DOK4: variants seen among roughly 807,000 people sequenced by gnomAD.
DOK4 encodes downstream of tyrosine kinase 4.
Under a neutral mutation model 40.1 loss-of-function variants are expected in DOK4, and 26 were observed. The ratio of observed to expected loss-of-function variants is 0.65; its 90% CI spans 0.48 to 0.90. The LOEUF (loss-of-function observed/expected upper bound fraction) is 0.90, where lower values mean the gene tolerates loss of function less well. DOK4 is among the 40% of genes least tolerant of loss of function. The probability of loss-of-function intolerance (pLI) is 0.00; values close to 1 mark genes in which losing one functional copy is unlikely to be tolerated. For synonymous variants in DOK4, 179 were observed against 177.0 expected (o/e 1.01, Z -0.09); for missense variants, 392 against 437.2 (o/e 0.90, Z 0.92).
At chr16:57,483,872 T>G (rs1326193192) in intron 1 of DOK4, 1 of 152,268 alleles carries the variant, frequency 6.6e-6, no homozygotes, top group African/African-American at 2.4e-5. Context: ...CTCTCAGGGT[T>G]CCAGTGAGGG....
In DOK4 at chr16:57,485,223, A is replaced by G. The variant is rs566265793; in HGVS notation, c.-182+1082T>C. 6.6e-6 allele frequency among the ~76,000 whole-genome samples: 1 copy of G among 152,234 alleles called. No homozygotes were observed. Among genetic ancestry groups the G allele is most frequent in the Non-Finnish European group, 1.5e-5 (1 of 68,032 alleles). On this transcript the variant is annotated intron_variant, in intron 1 of 8. Transcript: ENST00000340099. The surrounding 1 kb of genome is among the most constrained non-coding windows in gnomAD (Gnocchi z 4.3). ...GTTTGGTTCAGAGCTGCCTCAGGGA[A>G]GAGCATGCTGCTGACATCGAGGCCA...
intron 1 of DOK4, among the ~76,000 whole-genome samples, chr16:57,483,020 C>G (rs75652601): frequency 6.6e-6 from 1 of 152,150 alleles, no homozygotes; most frequent in Non-Finnish European, 1.5e-5. Flanking sequence ...GTGACCTTCA[C>G]GGGGAAGGCT....
At chr16:57,475,711 TCCCC>T in intron 3 of DOK4, 91 bp from the exon 4 acceptor site, 1 of 365,314 alleles carries the variant, frequency 2.7e-6, no homozygotes, top group Non-Finnish European at 4.8e-6. Flanking sequence ...CCTCCCTCTC[TCCCC>T]CCTCCTCCTT....
rs2031514747 is a variant in DOK4 at position 57,485,367 on chromosome 16, A to C, written c.-182+938T>G. On this transcript the variant is annotated intron_variant, in intron 1 of 8. Coordinates refer to ENST00000340099, the Ensembl canonical transcript of DOK4. This position sits in a 1 kb window ranked among gnomAD's most constrained non-coding sequence, Gnocchi z 4.3. ...CCAGTACCAGCACAGCAAGGCAAGC[A>C]ACTGGGGAGAGGAGGCACAGCTCCT... Among the ~76,000 whole-genome samples, 1 of 152,164 alleles carries C rather than the reference A, an allele frequency of 6.6e-6. No homozygotes were observed. Among genetic ancestry groups the C allele is most frequent in the South Asian group, 2.1e-4 (1 of 4,830 alleles).
chr16:57,480,794 T>C (rs1189464371), intron 1 of DOK4, among the ~76,000 whole-genome samples: 1 of 152,138 alleles, frequency 6.6e-6, no homozygotes, highest in Non-Finnish European at 1.5e-5. Context: ...GTTGACCCAG[T>C]CTAACCCCTT....
At chr16:57,478,223 A>C (rs2031269059) in intron 2 of DOK4, among the ~76,000 whole-genome samples, 1 of 152,216 alleles carries the variant, frequency 6.6e-6, no homozygotes, top group African/African-American at 2.4e-5. Context: ...GCCAGGGCCC[A>C]GTCTCAACTA....
In DOK4 at chr16:57,473,149, CATT is replaced by C. The variant is rs367817131; in HGVS notation, c.*225_*227del. 1.5e-3 allele frequency: 872 copies of C among 584,640 alleles called. 13 individuals are homozygous for C. In the East Asian group the frequency reaches 0.024, roughly 16 times the overall value. The allele number at this position is 584,640 out of a possible 1,614,324, so 36.2% of individuals were successfully genotyped here. A position where few individuals can be genotyped will look rare whatever the true frequency, so the allele number is the denominator to read the frequency against. ...TGTCATAAGCCATATATATTAAAATCATTAACAGTATATAGTCCCACGGTAGCT... is the reference window on the plus strand; with the variant it reads ...TGTCATAAGCCATATATATTAAAATCAACAGTATATAGTCCCACGGTAGCT... On this transcript the variant is annotated 3_prime_UTR_variant, in exon 9 of 9. Coordinates refer to ENST00000340099, the Ensembl canonical transcript of DOK4.
In DOK4 at chr16:57,485,859, G is replaced by C. The variant is rs1019763773; in HGVS notation, c.-182+446C>G. 2.6e-5 allele frequency among the ~76,000 whole-genome samples: 4 copies of C among 152,324 alleles called. No homozygotes were observed. The East Asian group carries it at 5.8e-4, about 22-fold the overall frequency. On this transcript the variant is annotated intron_variant, in intron 1 of 8. Coordinates refer to ENST00000340099, the Ensembl canonical transcript of DOK4. The surrounding 1 kb of genome is among the most constrained non-coding windows in gnomAD (Gnocchi z 4.3). ...AGGCAGGAGGGGGTCGGCAGTGGGG[G>C]CCAGCTGGGGTACAGAAAATCATCT...
In DOK4 at chr16:57,473,120, A is replaced by G. The variant is rs185994632; in HGVS notation, c.*257T>C. 746 of 511,116 alleles carry G rather than the reference A, an allele frequency of 1.5e-3. 1 individual carries two copies. The highest frequency in any genetic ancestry group is 0.013 in the African/African-American group (686 of 52,744). The allele number at this position is 511,116 out of a possible 1,614,324, so 31.7% of individuals were successfully genotyped here. ...GGGTGAGGGGATCTCATTGATACAG[A>G]GTATGTCATAAGCCATATATATTAA... On this transcript the variant is annotated 3_prime_UTR_variant, in exon 9 of 9. Transcript: ENST00000340099.
chr16:57,479,502 C>G lies in DOK4; in HGVS notation c.6G>C (p.Ala2=), dbSNP rs1182186220. 6.2e-7 allele frequency: 1 copy of G among 1,613,582 alleles called. No homozygotes were observed. The highest frequency in any genetic ancestry group is 1.1e-5 in the South Asian group (1 of 91,022). Reference sequence around the variant, plus strand: ...GCTTGACGATGTCACTGAAATTGGTCGCCATGGTTTTCCCACCTTTTAGGG... The same window carrying G: ...GCTTGACGATGTCACTGAAATTGGTGGCCATGGTTTTCCCACCTTTTAGGG... Residue 2 remains alanine (A), a synonymous_variant, in exon 2 of 9, where the codon GCG becomes GCC. Coordinates refer to ENST00000340099, the Ensembl canonical transcript of DOK4. This position sits in a 1 kb window ranked among gnomAD's most constrained non-coding sequence, Gnocchi z 5.8.
At chr16:57,473,215 C>T (rs1171332844) in exon 9 of DOK4, 8 of 1,122,062 alleles carry the variant, frequency 7.1e-6, no homozygotes, top group Non-Finnish European at 9.8e-6. Flanking sequence ...GTGGCCAGCC[C>T]TTTGCCTCAG....
intron 1 of DOK4, chr16:57,481,594 T>C (rs2031410257): frequency 6.6e-6 from 1 of 152,228 alleles, no homozygotes; most frequent in Non-Finnish European, 1.5e-5. Flanking sequence ...GGCTGACCAC[T>C]GGCTGTGGGT....
At chr16:57,475,989 C>T in intron 2 of DOK4, 32 bp from the exon 3 acceptor site, 2 of 1,568,852 alleles carry the variant, frequency 1.3e-6, no homozygotes, top group Non-Finnish European at 1.7e-6. Context: ...CTCAGGCCTC[C>T]CTGGACCACT....
At position 57,485,194 on chromosome 16, in the gene DOK4, C is replaced by T. The variant is rs1166742445; in HGVS notation, c.-182+1111G>A. Among the ~76,000 whole-genome samples, 2 of 152,228 alleles carry T rather than the reference C, an allele frequency of 1.3e-5. No homozygotes were observed. The highest frequency in any genetic ancestry group is 4.8e-5 in the African/African-American group (2 of 41,460). On this transcript the variant is annotated intron_variant, in intron 1 of 8. Transcript: ENST00000340099. This position sits in a 1 kb window ranked among gnomAD's most constrained non-coding sequence, Gnocchi z 4.3. ...TGGAGAACCAGCTGTGCCCAAGACC[C>T]GCAGTTTGGTTCAGAGCTGCCTCAG...
chr16:57,474,224 T>C (rs2031038057), intron 6 of DOK4, among the ~76,000 whole-genome samples, 185 bp from the exon 7 acceptor site: 1 of 152,232 alleles, frequency 6.6e-6, no homozygotes, highest in African/African-American at 2.4e-5. Context: ...CAGCTGGTGC[T>C]TGAAATGCAT....
At chr16:57,473,807 T>C in intron 7 of DOK4, 71 bp from the exon 8 acceptor site, 4 of 1,590,886 alleles carry the variant, frequency 2.5e-6, no homozygotes, top group Non-Finnish European at 2.6e-6. Flanking sequence ...CCCAAGACCC[T>C]ACCTGCCTCC....
At position 57,485,721 on chromosome 16, in the gene DOK4, G is replaced by C. The variant is rs1045045979; in HGVS notation, c.-182+584C>G. Among the ~76,000 whole-genome samples the C allele has an allele frequency of 8.5e-5, 13 of 152,226 alleles. No homozygotes were observed. The highest frequency in any genetic ancestry group is 2.0e-4 in the Admixed American group (3 of 15,286). The stretch of plus-strand genomic sequence containing the variant: ...AATAGAAAGCATGTAACTGGATCTA[G>C]GGCCTTGCGGGCCCTGGGGGAGAAG... On this transcript the variant is annotated intron_variant, in intron 1 of 8. Transcript: ENST00000340099. The surrounding 1 kb of genome is among the most constrained non-coding windows in gnomAD (Gnocchi z 4.3).
rs1378328364 is a variant in DOK4 at position 57,473,305 on chromosome 16, G to A, written c.*72C>T. On this transcript the variant is annotated 3_prime_UTR_variant, in exon 9 of 9. Coordinates refer to ENST00000340099, the Ensembl canonical transcript of DOK4. Reference sequence around the variant, plus strand: ...TCTTGGCCGACAGCCCCCTGAGGCTGTCCACGGTACACTGCAGCCAGCCCC... The same window carrying A: ...TCTTGGCCGACAGCCCCCTGAGGCTATCCACGGTACACTGCAGCCAGCCCC... The A allele has an allele frequency of 8.5e-6, 13 of 1,537,254 alleles. No homozygotes were observed. The East Asian group carries it at 2.7e-4, about 32-fold the overall frequency.
At chr16:57,481,765 T>C (rs563325121) in intron 1 of DOK4, 1 of 152,284 alleles carries the variant, frequency 6.6e-6, no homozygotes, top group Non-Finnish European at 1.5e-5. Context: ...AATTTCCCCA[T>C]TGGAAAAAAA....
Sources: gnomAD v4.1 joint callset for allele counts (sites outside exome capture counted in the v4.1 genomes callset) on GRCh38, gnomAD v4.1.1 for gene constraint, Gnocchi (gnomAD v3.1) non-coding constraint, MANE v1.5 for transcripts, NCBI Gene and HGNC (gene_info 2026-07-23, HGNC 2026-07-21) for gene names.